Variants in ZDHHC13 observed in about 807,000 individuals in gnomAD.
The protein encoded by ZDHHC13 is zDHHC palmitoyltransferase 13, also known as palmitoyltransferase ZDHHC13.
A neutral mutation model predicts 86.0 loss-of-function variants in ZDHHC13; 85 were observed. The ratio of observed to expected loss-of-function variants is 0.99; its 90% confidence interval spans 0.83 to 1.18. ZDHHC13 has a LOEUF of 1.18. ZDHHC13 is among the 50% of genes most tolerant of loss of function. ZDHHC13 has a pLI of 0.00. For synonymous variants in ZDHHC13, 263 were observed against 246.4 expected (o/e 1.07, Z -0.63); for missense variants, 711 against 730.2 (o/e 0.97, Z 0.30).
intron 8 of ZDHHC13, among the ~76,000 whole-genome samples, chr11:19,155,495 C>T (rs865819129): frequency 2.7e-5 from 4 of 150,322 alleles, no homozygotes; most frequent in Non-Finnish European, 5.9e-5. Flanking sequence ...CCAAGAGAAT[C>T]GCTTGAACCC....
intron 16 of ZDHHC13, among the ~76,000 whole-genome samples, chr11:19,174,528 A>C (rs1850307080): frequency 1.3e-5 from 2 of 152,246 alleles, no homozygotes. Context: ...TCTTCTAAAC[A>C]GCAACGCAGT....
rs79332385 is a variant in ZDHHC13 at position 19,121,291 on chromosome 11, G to A, written c.27+4015G>A. On this transcript the variant is annotated intron_variant, in intron 1 of 16. Transcript: ENST00000446113. ...TTGTTTGATTGTTTGCTGCCACTTGGAGTCCACCCATTCTTTAGGTCAAGG... is the reference window on the plus strand; with the variant it reads ...TTGTTTGATTGTTTGCTGCCACTTGAAGTCCACCCATTCTTTAGGTCAAGG... Among the ~76,000 whole-genome samples, 1,113 of 152,254 alleles carry A rather than the reference G, an allele frequency of 7.3e-3. 19 individuals carry two copies. Among genetic ancestry groups the A allele is most frequent in the African/African-American group, 0.026 (1,068 of 41,546 alleles).
intron 1 of ZDHHC13, among the ~76,000 whole-genome samples, chr11:19,132,069 C>G (rs1849013702): frequency 6.6e-6 from 1 of 152,192 alleles, no homozygotes; most frequent in East Asian, 1.9e-4. Flanking sequence ...TTTATAGTTT[C>G]AAGATCTGGT....
In ZDHHC13 at chr11:19,152,162, G is replaced by C. The variant is rs771440649; in HGVS notation, c.589G>C (p.Glu197Gln). ...TATTTTATTATTTTGAGACAGGCCA[G>C]AACCAACTGGATTTCTTTTAAAGTT... ...MLSAHKVIGP[E>Q]PTGFLLKFNP... Residue 197 changes from glutamate to glutamine, a missense_variant, in exon 7 of 17, where the codon GAA becomes CAA. Glu to Gln is a conservative substitution (Grantham distance 29). Coordinates refer to ENST00000446113, the MANE Select transcript of ZDHHC13 (RefSeq NM_019028.3). 6.2e-7 allele frequency: 1 copy of C among 1,612,588 alleles called. No individual in the cohort carries two copies. Among genetic ancestry groups the C allele is most frequent in the Non-Finnish European group, 8.5e-7 (1 of 1,179,124 alleles).
chr11:19,156,528 G>A (rs16936227), intron 9 of ZDHHC13, among the ~76,000 whole-genome samples: 2,242 of 152,240 alleles, frequency 0.015, 66 homozygotes, highest in African/African-American at 0.051. Flanking sequence ...TTGTGATAAT[G>A]CCTGCCTCAT....
chr11:19,146,077 T>C (rs1386617733), intron 2 of ZDHHC13, 104 bp from the exon 3 acceptor site: 3 of 1,190,230 alleles, frequency 2.5e-6, no homozygotes, highest in Non-Finnish European at 3.5e-6. Context: ...CTGTATTGAC[T>C]GAAAGGCAGT....
Position 19,172,743 on chromosome 11 carries a change from C to T in ZDHHC13, c.1653C>T (p.Thr551=), listed in dbSNP as rs1315622559. The T allele has an allele frequency of 6.2e-7, 1 of 1,603,012 alleles. No individual in the cohort carries two copies. The highest frequency in any genetic ancestry group is 8.5e-7 in the Non-Finnish European group (1 of 1,174,780). The change falls in exon 16 of 17, where the codon ACC becomes ACT. Residue 551 remains threonine (T), a synonymous_variant. Coordinates refer to ENST00000446113, the MANE Select transcript of ZDHHC13 (RefSeq NM_019028.3). ...QLFQIAFLGL[T]SHERISLQKQ... is the part of the protein sequence containing the mutation. Reference sequence around the variant, plus strand: ...TTCAGATTGCCTTTCTGGGCCTGACCTCCCATGAGAGAATCAGCCTGCAGA... The same window carrying T: ...TTCAGATTGCCTTTCTGGGCCTGACTTCCCATGAGAGAATCAGCCTGCAGA...
intron 10 of ZDHHC13, among the ~76,000 whole-genome samples, chr11:19,160,916 A>G (rs935618092): frequency 6.6e-6 from 1 of 151,998 alleles, no homozygotes; most frequent in African/African-American, 2.4e-5. Flanking sequence ...ACTGATTTCC[A>G]TAGCTAGACA....
intron 1 of ZDHHC13, among the ~76,000 whole-genome samples, chr11:19,133,929 A>G (rs1395590724): frequency 1.1e-5 from 1 of 91,460 alleles, no homozygotes; most frequent in Non-Finnish European, 2.8e-5. Flanking sequence ...CCATATATAT[A>G]TATATATATA....
chr11:19,172,557 A>G (rs147338513), intron 15 of ZDHHC13, among the ~76,000 whole-genome samples, 166 bp from the exon 16 acceptor site: 1 of 152,304 alleles, frequency 6.6e-6, no homozygotes, highest in East Asian at 1.9e-4. Flanking sequence ...TGTTTTTGGA[A>G]TTAAATGTTC....
At chr11:19,161,788 G>T (rs142920652) in intron 10 of ZDHHC13, among the ~76,000 whole-genome samples, 68 of 152,192 alleles carry the variant, frequency 4.5e-4, no homozygotes, top group African/African-American at 1.3e-3. Flanking sequence ...GCATGTTATG[G>T]TGAGCTATGA....
intron 15 of ZDHHC13, 53 bp downstream of exon 15, chr11:19,170,621 G>C: frequency 1.4e-6 from 2 of 1,445,184 alleles, no homozygotes; most frequent in South Asian, 2.7e-5. Flanking sequence ...AAAACTTGTA[G>C]TGAGACAGCC....
At chr11:19,126,706 G>A (rs1258147452) in intron 1 of ZDHHC13, among the ~76,000 whole-genome samples, 1 of 151,900 alleles carries the variant, frequency 6.6e-6, no homozygotes, top group African/African-American at 2.4e-5. Context: ...ACTTATAAGT[G>A]AGAACATGCA....
chr11:19,146,646 C>T (rs900231764), intron 3 of ZDHHC13, among the ~76,000 whole-genome samples: 8 of 152,096 alleles, frequency 5.3e-5, no homozygotes, highest in Non-Finnish European at 1.2e-4. Context: ...AAATATTTTA[C>T]ATTTTAATAC....
chr11:19,169,708 C>A, intron 14 of ZDHHC13: 6 of 985,472 alleles, frequency 6.1e-6, no homozygotes, highest in Non-Finnish European at 7.2e-6. Context: ...TGTATTTCTC[C>A]TTACTGCTGC....
chr11:19,170,440 AAAG>A lies in ZDHHC13; in HGVS notation c.1509_1511del (p.Glu503del). Reference sequence around the variant, plus strand: ...GTCCAGTCATTGTGCCACAACATTCAAAGAAGATGGATTATGGACTTACCTCAA... The same window carrying A: ...GTCCAGTCATTGTGCCACAACATTCAAAGATGGATTATGGACTTACCTCAA... On this transcript the variant is annotated inframe_deletion, in exon 15 of 17. Transcript: ENST00000446113. 1 of 1,531,080 alleles carries A rather than the reference AAAG, an allele frequency of 6.5e-7. No individual in the cohort carries two copies. Among genetic ancestry groups the A allele is most frequent in the Non-Finnish European group, 8.7e-7 (1 of 1,142,914 alleles). The allele number at this position is 1,531,080 out of a possible 1,614,324, so 94.8% of individuals were successfully genotyped here.
chr11:19,136,102 G>T (rs1173421048), intron 1 of ZDHHC13, among the ~76,000 whole-genome samples: 3 of 152,336 alleles, frequency 2.0e-5, no homozygotes, highest in South Asian at 4.1e-4. Context: ...AGAGAAGAAG[G>T]CTTCAGACGA....
intron 16 of ZDHHC13, among the ~76,000 whole-genome samples, chr11:19,175,005 A>G (rs373423169): frequency 2.4e-4 from 36 of 152,156 alleles, no homozygotes; most frequent in African/African-American, 8.7e-4. Context: ...GGCTATGACT[A>G]TATCAGGGTT....
chr11:19,117,140 G>A (rs1848660686), upstream of ZDHHC13: 4 of 1,230,638 alleles, frequency 3.3e-6, no homozygotes, highest in Non-Finnish European at 3.4e-6. This position sits in a 1 kb window ranked among gnomAD's most constrained non-coding sequence, Gnocchi z 4.2. Context: ...CAGCGGCGGA[G>A]GTGAGGGCGC....
Sources: allele counts gnomAD v4.1 joint callset (sites outside exome capture counted in the v4.1 genomes callset), GRCh38; gene constraint gnomAD v4.1.1; non-coding constraint Gnocchi (gnomAD v3.1); transcripts MANE v1.5; gene names NCBI Gene and HGNC (gene_info 2026-07-23, HGNC 2026-07-21).